The following ZNF365 variants were observed in gnomAD, a reference collection of about 807,000 sequenced individuals.
ZNF365 encodes the protein zinc finger protein 365, also known as protein ZNF365.
Under a neutral mutation model 35.0 loss-of-function variants are expected in ZNF365, and 22 were observed. That is an observed-to-expected ratio of 0.63 (90% CI 0.45 to 0.90). The LOEUF (loss-of-function observed/expected upper bound fraction) is 0.90. ZNF365 is among the 40% of genes least tolerant of loss of function. The pLI, the probability that ZNF365 is intolerant of heterozygous loss-of-function variation, is 0.00. For missense variants in ZNF365, 448 were observed against 500.3 expected (o/e 0.90, Z 1.00); for synonymous variants, 188 against 196.2 (o/e 0.96, Z 0.35).
intron 2 of ZNF365, among the ~76,000 whole-genome samples, chr10:62,384,937 A>G (rs1229060432): frequency 6.6e-6 from 1 of 152,228 alleles, no homozygotes; most frequent in Admixed American, 6.5e-5. Context: ...CTTTGGGGAA[A>G]TAAGAGGTGG....
intron 4 of ZNF365, among the ~76,000 whole-genome samples, chr10:62,476,436 G>A (rs1564605032): frequency 2.0e-5 from 3 of 152,188 alleles, no homozygotes; most frequent in African/African-American, 7.2e-5. Context: ...ATTTGGGATA[G>A]CAGCCAACAA....
rs570299427 is a variant in ZNF365 at position 62,397,854 on chromosome 10, A to T, written c.925-886A>T. The stretch of plus-strand genomic sequence containing the variant: ...GCAAATACAGCCTGAATCAATCAAG[A>T]AATCATGGCAGATCATTTCAAGTTT... On this transcript the variant is annotated intron_variant, in intron 3 of 4. Coordinates refer to ENST00000395254, the MANE Select transcript of ZNF365 (RefSeq NM_014951.3). Among the ~76,000 whole-genome samples the T allele has an allele frequency of 1.1e-3, 170 of 152,356 alleles. 1 individual carries two copies. The highest frequency in any genetic ancestry group is 2.9e-3 in the East Asian group (15 of 5,184).
chr10:62,446,610 T>C (rs79250317), intron 3 of ZNF365, among the ~76,000 whole-genome samples: 1 of 149,544 alleles, frequency 6.7e-6, no homozygotes, highest in African/African-American at 2.5e-5. Flanking sequence ...GGATTTTTTT[T>C]CTTTATCATA....
chr10:62,398,712 A>G (rs1385689839), intron 3 of ZNF365, 28 bp from the exon 4 acceptor site: 1 of 1,606,258 alleles, frequency 6.2e-7, no homozygotes, highest in Admixed American at 1.7e-5. Context: ...AATGCAGTTA[A>G]CATTTTTTCT....
rs1231106847 is a variant in ZNF365 at position 62,401,273 on chromosome 10, T to C, written c.*1484T>C. On this transcript the variant is annotated 3_prime_UTR_variant, in exon 5 of 5. Coordinates refer to ENST00000395254, the MANE Select transcript of ZNF365 (RefSeq NM_014951.3). The stretch of plus-strand genomic sequence containing the variant: ...GTTTGTTCATGTAAACTGAATTCTC[T>C]TATTTAAAAAATCAAAACTGTAACG... 1 of 985,316 alleles carries C rather than the reference T, an allele frequency of 1.0e-6. No individual in the cohort carries two copies. Among genetic ancestry groups the C allele is most frequent in the Non-Finnish European group, 1.2e-6 (1 of 829,842 alleles). 61.0% of individuals were successfully genotyped at this position (985,316 alleles called of 1,614,324 possible).
chr10:62,469,533 T>A (rs1840999465), intron 4 of ZNF365, among the ~76,000 whole-genome samples: 1 of 152,200 alleles, frequency 6.6e-6, no homozygotes, highest in Admixed American at 6.5e-5. Flanking sequence ...TGATGGAGCT[T>A]GTATTGAGAA....
intron 4 of ZNF365, among the ~76,000 whole-genome samples, chr10:62,462,747 A>T (rs1276741452): frequency 6.6e-6 from 1 of 152,180 alleles, no homozygotes; most frequent in Admixed American, 6.5e-5. Flanking sequence ...TGGGCTGGTT[A>T]CTCAGAATCC....
intron 3 of ZNF365, among the ~76,000 whole-genome samples, chr10:62,439,708 T>C (rs1012676104): frequency 6.6e-6 from 1 of 152,212 alleles, no homozygotes; most frequent in African/African-American, 2.4e-5. Context: ...ACCTTGACAA[T>C]GTGGAGCTGG....
At chr10:62,428,291 C>A (rs1840280044) in intron 3 of ZNF365, among the ~76,000 whole-genome samples, 1 of 152,136 alleles carries the variant, frequency 6.6e-6, no homozygotes, top group South Asian at 2.1e-4. Flanking sequence ...TGTCTCCACC[C>A]AAATCTCATC....
At chr10:62,405,068 C>T (rs184596279), downstream of ZNF365, among the ~76,000 whole-genome samples, 3 of 152,202 alleles carry the variant, frequency 2.0e-5, no homozygotes, top group East Asian at 1.9e-4. Context: ...CTTCTTGGAA[C>T]GGAAGCATCT....
chr10:62,471,605 G>A (rs1295460094), intron 4 of ZNF365, among the ~76,000 whole-genome samples: 4 of 152,040 alleles, frequency 2.6e-5, no homozygotes, highest in Non-Finnish European at 5.9e-5. Context: ...ATTAATTTAT[G>A]ATTATATGGC....
chr10:62,403,136 A>T (rs955191069), downstream of ZNF365, among the ~76,000 whole-genome samples: 1 of 152,236 alleles, frequency 6.6e-6, no homozygotes, highest in East Asian at 1.9e-4. Context: ...TAGTTAACAC[A>T]TATTTTGTAT....
chr10:62,477,744 G>T (rs1370434066), intron 4 of ZNF365, among the ~76,000 whole-genome samples: 1 of 152,076 alleles, frequency 6.6e-6, no homozygotes, highest in East Asian at 1.9e-4. Context: ...CTTGAATGTT[G>T]TCAGTCTCAT....
At chr10:62,451,601 T>C (rs1589461221) in intron 3 of ZNF365, among the ~76,000 whole-genome samples, 1 of 152,214 alleles carries the variant, frequency 6.6e-6, no homozygotes, top group Non-Finnish European at 1.5e-5. Context: ...TTTACCTTAG[T>C]TGTGACTTCT....
At chr10:62,398,116 A>T (rs1267124313) in intron 3 of ZNF365, among the ~76,000 whole-genome samples, 1 of 152,200 alleles carries the variant, frequency 6.6e-6, no homozygotes, top group Non-Finnish European at 1.5e-5. Context: ...AAAGGAAAAG[A>T]AGTAAATTAT....
chr10:62,401,571 A>G lies in ZNF365; in HGVS notation c.*1782A>G. The G allele has an allele frequency of 1.0e-6, 1 of 984,732 alleles. No homozygotes were observed. Among genetic ancestry groups the G allele is most frequent in the Non-Finnish European group, 1.2e-6 (1 of 829,168 alleles). 61.0% of individuals were successfully genotyped at this position (984,732 alleles called of 1,614,324 possible). ...TGTGAATAGCACTGTTTAGGCTAAC[A>G]TTGTAAAAATTGTAATGTTATAATT... is the stretch of plus-strand genomic sequence containing the variant. On this transcript the variant is annotated 3_prime_UTR_variant, in exon 5 of 5. Transcript: ENST00000395254.
intron 3 of ZNF365, among the ~76,000 whole-genome samples, chr10:62,420,663 T>G (rs989646797): frequency 2.6e-5 from 4 of 152,228 alleles, no homozygotes; most frequent in Non-Finnish European, 5.9e-5. Flanking sequence ...TGATTGCAAG[T>G]TGGCAGTGAA....
At chr10:62,403,590 G>A (rs753287101), downstream of ZNF365, among the ~76,000 whole-genome samples, 5 of 152,150 alleles carry the variant, frequency 3.3e-5, no homozygotes, top group Admixed American at 2.0e-4. Flanking sequence ...CCCGGGAAGC[G>A]GAGCTTGCAG....
At chr10:62,462,760 A>G (rs1228026684) in intron 4 of ZNF365, among the ~76,000 whole-genome samples, 2 of 152,190 alleles carry the variant, frequency 1.3e-5, no homozygotes, top group Non-Finnish European at 2.9e-5. Flanking sequence ...CAGAATCCAA[A>G]TTTAATTTGA....
Sources: allele counts gnomAD v4.1 joint callset (sites outside exome capture counted in the v4.1 genomes callset), GRCh38; gene constraint gnomAD v4.1.1; transcripts MANE v1.5; gene names NCBI Gene and HGNC (gene_info 2026-07-23, HGNC 2026-07-21).